Variants in DCX observed in about 807,000 individuals in gnomAD.
DCX encodes the protein doublecortin.
DCX carries 4 observed loss-of-function variants against 20.9 expected under a neutral mutation model. The ratio of observed to expected loss-of-function variants is 0.19; its 90% CI spans 0.09 to 0.44. The LOEUF (loss-of-function observed/expected upper bound fraction) is 0.44. DCX is among the 20% of genes least tolerant of loss of function. The pLI is 0.99. For synonymous variants in DCX, 103 were observed against 111.4 expected, an observed-to-expected ratio of 0.92 and a Z score of 0.47; for missense variants, 133 against 296.9, an observed-to-expected ratio of 0.45 and a Z score of 4.06.
chrX:111,384,971 T>A (rs2147239062), intron 3 of DCX, among the ~76,000 whole-genome samples: 1 of 112,804 alleles, frequency 8.9e-6, no homozygotes, highest in South Asian at 3.6e-4. Context: ...ATTATCCAGC[T>A]CTTTAGTGTC....
At chrX:111,323,610 T>G (rs1365088421) in intron 5 of DCX, among the ~76,000 whole-genome samples, 2 of 103,315 alleles carry the variant, frequency 1.9e-5, no homozygotes, top group Non-Finnish European at 2.0e-5. Flanking sequence ...TCTGTTTTTT[T>G]TTTTTTTTTT....
intron 3 of DCX, among the ~76,000 whole-genome samples, chrX:111,379,683 C>G (rs1271041522): frequency 9.0e-6 from 1 of 111,522 alleles, no homozygotes; most frequent in East Asian, 2.8e-4. Flanking sequence ...TATCTGCGTG[C>G]AAGGTTTTCT....
At chrX:111,352,521 C>T (rs749163550) in intron 3 of DCX, among the ~76,000 whole-genome samples, 48 of 111,957 alleles carry the variant, frequency 4.3e-4, no homozygotes, top group South Asian at 1.5e-3. Context: ...AAGCTTATTT[C>T]CTAGTTGCTA....
intron 5 of DCX, among the ~76,000 whole-genome samples, chrX:111,326,790 GA>G (rs1383812310): frequency 8.9e-6 from 1 of 111,898 alleles, no homozygotes; most frequent in Non-Finnish European, 1.9e-5. Flanking sequence ...AAATAAAGTA[GA>G]AGGATTTGAT....
At chrX:111,322,336 T>G (rs1762616580) in intron 5 of DCX, among the ~76,000 whole-genome samples, 1 of 111,688 alleles carries the variant, frequency 9.0e-6, no homozygotes, top group Non-Finnish European at 1.9e-5. Context: ...TTTCAAAATT[T>G]CCTTAAAGTT....
At chrX:111,375,075 C>G (rs913240923) in intron 3 of DCX, among the ~76,000 whole-genome samples, 4 of 102,183 alleles carry the variant, frequency 3.9e-5, no homozygotes, top group Non-Finnish European at 7.9e-5. Context: ...AGATGGAGAA[C>G]AGATTAGTGA....
At chrX:111,307,521 A>T (rs1054071551) in intron 6 of DCX, among the ~76,000 whole-genome samples, 1 of 111,525 alleles carries the variant, frequency 9.0e-6, no homozygotes, top group African/African-American at 3.3e-5. Context: ...CTGGAGACTT[A>T]GATTCTAGGC....
At chrX:111,373,664 T>A (rs1282990686) in intron 3 of DCX, among the ~76,000 whole-genome samples, 4 of 111,232 alleles carry the variant, frequency 3.6e-5, no homozygotes, top group African/African-American at 1.3e-4. Flanking sequence ...CCATGCATAG[T>A]CCAAATAAAT....
intron 3 of DCX, among the ~76,000 whole-genome samples, chrX:111,393,841 A>G (rs1271832138): frequency 9.0e-6 from 1 of 111,644 alleles, no homozygotes; most frequent in Non-Finnish European, 1.9e-5. Flanking sequence ...AAAAAAAAAA[A>G]GATAACAAGT....
chrX:111,370,769 C>T (rs1388919261), intron 3 of DCX, among the ~76,000 whole-genome samples: 1 of 107,575 alleles, frequency 9.3e-6, no homozygotes, highest in East Asian at 2.9e-4. Flanking sequence ...GTTAGGAACA[C>T]CTGGAGAGCT....
At chrX:111,399,876 A>G (rs1927634521) in intron 3 of DCX, among the ~76,000 whole-genome samples, 1 of 111,597 alleles carries the variant, frequency 9.0e-6, no homozygotes, top group African/African-American at 3.3e-5. Context: ...ATGATGGGAA[A>G]CAAAGCCAAA....
intron 3 of DCX, among the ~76,000 whole-genome samples, chrX:111,386,587 A>G: frequency 9.0e-6 from 1 of 111,231 alleles, no homozygotes; most frequent in Admixed American, 9.6e-5. Flanking sequence ...CAGATTCAGA[A>G]CCCTACTTCA....
chrX:111,409,950 A>AT (rs1366777982), intron 2 of DCX, 85 bp downstream of exon 2: 8 of 1,165,894 alleles, frequency 6.9e-6, no homozygotes, highest in Middle Eastern at 3.0e-4. Flanking sequence ...ACATTGCCTA[A>AT]TTTTTTTTCA....
chrX:111,327,008 A>G (rs2095101027), intron 5 of DCX, among the ~76,000 whole-genome samples: 1 of 111,835 alleles, frequency 8.9e-6, no homozygotes, highest in African/African-American at 3.2e-5. Flanking sequence ...CCAGAATCAA[A>G]CCTGTATATT....
At chrX:111,363,794 C>T (rs1170299710) in intron 3 of DCX, among the ~76,000 whole-genome samples, 2 of 111,733 alleles carry the variant, frequency 1.8e-5, no homozygotes, top group Non-Finnish European at 3.8e-5. Flanking sequence ...TTGCAGTGGT[C>T]ACAATCACCC....
chrX:111,400,402 T>C (rs1323822964), intron 3 of DCX, among the ~76,000 whole-genome samples: 2 of 112,017 alleles, frequency 1.8e-5, no homozygotes, highest in Non-Finnish European at 3.8e-5. Context: ...ATAGTCCCTT[T>C]CTCACACAAA....
In DCX at chrX:111,359,849, T is replaced by C. The variant is rs767123704; in HGVS notation, c.706-26696A>G. ...AGACTAGTACAAATTTGCAGGTTGA[T>C]GAGTAGTGTTGTTGAAGGTATGAAA... On this transcript the variant is annotated intron_variant, in intron 3 of 6. Coordinates refer to ENST00000636035, the MANE Select transcript of DCX (RefSeq NM_001195553.2). Among the ~76,000 whole-genome samples, 8 of 111,985 alleles carry C rather than the reference T, an allele frequency of 7.1e-5. No homozygotes were observed. In the South Asian group the frequency reaches 3.0e-3, roughly 42 times the overall value.
At chrX:111,332,356 T>A (rs1393510808) in intron 4 of DCX, among the ~76,000 whole-genome samples, 7 of 112,454 alleles carry the variant, frequency 6.2e-5, no homozygotes, top group African/African-American at 2.3e-4. Context: ...AAAGTCTATA[T>A]TAGCAAAATT....
chrX:111,340,792 C>G (rs1241969871), intron 3 of DCX, among the ~76,000 whole-genome samples: 1 of 111,205 alleles, frequency 9.0e-6, no homozygotes, highest in Admixed American at 9.5e-5. Context: ...GAAGAGGGAC[C>G]TGACCATTGA....
Sources: allele counts gnomAD v4.1 joint callset (sites outside exome capture counted in the v4.1 genomes callset), GRCh38; gene constraint gnomAD v4.1.1; transcripts MANE v1.5; gene names NCBI Gene and HGNC (gene_info 2026-07-23, HGNC 2026-07-21).